The following SNX29 variants were observed in gnomAD, a reference collection of about 807,000 sequenced individuals.
SNX29 encodes sorting nexin-29.
SNX29 carries 78 observed loss-of-function variants against 102.1 expected under a neutral mutation model. The ratio of observed to expected loss-of-function variants is 0.76; its 90% CI spans 0.64 to 0.92. The LOEUF is 0.92. Among genes scored for constraint, SNX29 ranks in the 40% least tolerant of loss-of-function variants. The probability of loss-of-function intolerance (pLI) is 0.00; values close to 1 mark genes in which losing one functional copy is unlikely to be tolerated. For synonymous variants in SNX29, 580 were observed against 414.5 expected (o/e 1.40, Z -4.85); for missense variants, 1,280 against 1,061.7 (o/e 1.21, Z -2.86).
chr16:12,478,935 G>C (rs1197198839), intron 19 of SNX29, among the ~76,000 whole-genome samples: 2 of 152,304 alleles, frequency 1.3e-5, no homozygotes, highest in Non-Finnish European at 2.9e-5. Context: ...ATTTCGGTAT[G>C]TGTTCAATAG....
chr16:12,147,428 C>T (rs1390747079), intron 13 of SNX29, among the ~76,000 whole-genome samples: 3 of 152,134 alleles, frequency 2.0e-5, no homozygotes, highest in African/African-American at 7.2e-5. Flanking sequence ...AAATGCTTTT[C>T]CCATTCATTA....
At chr16:12,353,950 G>A (rs986947539) in intron 15 of SNX29, among the ~76,000 whole-genome samples, 1 of 152,280 alleles carries the variant, frequency 6.6e-6, no homozygotes, top group African/African-American at 2.4e-5. Context: ...TTTTCTGTGG[G>A]TGTTGAAAAA....
intron 3 of SNX29, among the ~76,000 whole-genome samples, chr16:12,015,964 A>G (rs1481587198): frequency 1.3e-5 from 2 of 151,134 alleles, no homozygotes; most frequent in African/African-American, 4.9e-5. Context: ...TCCCAGGTTC[A>G]AGCAATTCTC....
Position 12,572,239 on chromosome 16 carries a change from C to T in SNX29, c.*3610C>T, listed in dbSNP as rs1381884264. 8 of 1,038,942 alleles carry T rather than the reference C, an allele frequency of 7.7e-6. No homozygotes were observed. The South Asian group carries it at 1.4e-4, about 18-fold the overall frequency. 64.4% of individuals were successfully genotyped at this position (1,038,942 alleles called of 1,614,324 possible). ...CAGAGGCTCCTGAAAGTCGTTTACA[C>T]CAGGTGGATTGATACCATGGCTGTA... On this transcript the variant is annotated 3_prime_UTR_variant, in exon 21 of 21. Coordinates refer to ENST00000566228, the MANE Select transcript of SNX29 (RefSeq NM_032167.5).
chr16:12,562,701 G>T (rs543784068), intron 20 of SNX29, among the ~76,000 whole-genome samples: 3 of 152,318 alleles, frequency 2.0e-5, no homozygotes, highest in African/African-American at 7.2e-5. Context: ...TTGGAGTCGA[G>T]ATTGAAGCCT....
intron 11 of SNX29, among the ~76,000 whole-genome samples, chr16:12,086,118 C>T (rs1218088090): frequency 1.3e-5 from 2 of 151,884 alleles, no homozygotes; most frequent in African/African-American, 2.4e-5. Context: ...ATTCTCCTGC[C>T]TCAGCCTCCC....
chr16:12,526,338 A>C (rs8062876), intron 20 of SNX29, among the ~76,000 whole-genome samples: 458 of 152,258 alleles, frequency 3.0e-3, no homozygotes, highest in African/African-American at 0.01. Flanking sequence ...GGTACCATCC[A>C]GATCGACATG....
At chr16:12,092,301 G>GGAA (rs2052588988) in intron 11 of SNX29, among the ~76,000 whole-genome samples, 2 of 152,156 alleles carry the variant, frequency 1.3e-5, no homozygotes, top group African/African-American at 4.8e-5. Flanking sequence ...AAGGAAGGAA[G>GGAA]GAAGGAACAA....
intron 15 of SNX29, among the ~76,000 whole-genome samples, chr16:12,294,498 C>T (rs1346494919): frequency 2.6e-5 from 4 of 152,166 alleles, no homozygotes; most frequent in East Asian, 3.9e-4. Flanking sequence ...TGTCTACTCC[C>T]AGGCCTGGGA....
At chr16:12,199,453 A>T in intron 13 of SNX29, 148 bp from the exon 14 acceptor site, 1 of 613,924 alleles carries the variant, frequency 1.6e-6, no homozygotes, top group Non-Finnish European at 2.9e-6. Context: ...TCCCGTGATG[A>T]TATCTAAACC....
intron 20 of SNX29, among the ~76,000 whole-genome samples, chr16:12,563,128 G>C (rs118173823): frequency 2.0e-5 from 3 of 152,064 alleles, no homozygotes; most frequent in African/African-American, 7.2e-5. Flanking sequence ...AGGAAAGGTC[G>C]CCACACGTCC....
chr16:12,103,149 A>T (rs562557896), intron 11 of SNX29, among the ~76,000 whole-genome samples: 5 of 152,264 alleles, frequency 3.3e-5, no homozygotes, highest in Admixed American at 6.5e-5. Context: ...TATAGATTCA[A>T]TGCTATTCCC....
At chr16:12,539,155 C>T (rs959898697) in intron 20 of SNX29, among the ~76,000 whole-genome samples, 1 of 152,158 alleles carries the variant, frequency 6.6e-6, no homozygotes, top group African/African-American at 2.4e-5. Flanking sequence ...TTGACTTTTG[C>T]TCTTGTTCAT....
At chr16:12,562,614 G>A (rs1011864952) in intron 20 of SNX29, among the ~76,000 whole-genome samples, 23 of 152,196 alleles carry the variant, frequency 1.5e-4, no homozygotes, top group Admixed American at 1.1e-3. Context: ...TGGCTCTTGA[G>A]AGCTACAGGC....
At chr16:12,120,144 C>G (rs748997877) in intron 11 of SNX29, among the ~76,000 whole-genome samples, 8 of 152,128 alleles carry the variant, frequency 5.3e-5, no homozygotes, top group Non-Finnish European at 8.8e-5. Context: ...TTTATCCTTT[C>G]TTTTGGAGAT....
At chr16:12,116,028 T>C (rs959036309) in intron 11 of SNX29, among the ~76,000 whole-genome samples, 1 of 152,254 alleles carries the variant, frequency 6.6e-6, no homozygotes, top group African/African-American at 2.4e-5. Flanking sequence ...ATAATCCAAA[T>C]TGACCGTGCC....
chr16:12,156,959 G>C (rs191471132), intron 13 of SNX29, among the ~76,000 whole-genome samples: 7 of 152,298 alleles, frequency 4.6e-5, no homozygotes, highest in African/African-American at 1.2e-4. Flanking sequence ...TGTTTTAGTC[G>C]TGTTTCTCCT....
chr16:12,367,257 C>T (rs2082518921), intron 16 of SNX29: 1 of 152,300 alleles, frequency 6.6e-6, no homozygotes. Context: ...CATTTTCCTA[C>T]CCTCAGAGCC....
chr16:12,530,025 C>T (rs1350086812), intron 20 of SNX29, among the ~76,000 whole-genome samples: 1 of 152,208 alleles, frequency 6.6e-6, no homozygotes, highest in East Asian at 1.9e-4. Flanking sequence ...AGTGTCCATG[C>T]ATGTGACTTT....
Sources: allele counts gnomAD v4.1 joint callset (sites outside exome capture counted in the v4.1 genomes callset), GRCh38; gene constraint gnomAD v4.1.1; transcripts MANE v1.5; gene names NCBI Gene and HGNC (gene_info 2026-07-23, HGNC 2026-07-21).